Variants in SLC36A1 observed in about 807,000 individuals in gnomAD.
SLC36A1 encodes proton-coupled amino acid transporter 1.
SLC36A1 carries 30 observed loss-of-function variants against 47.5 expected under a neutral mutation model. The observed-to-expected ratio is 0.63, with a 90% CI of 0.47 to 0.86. The LOEUF (loss-of-function observed/expected upper bound fraction) is 0.86, where lower values mean the gene tolerates loss of function less well. SLC36A1 is among the 40% of genes least tolerant of loss of function. The pLI is 0.00. For synonymous variants in SLC36A1, 255 were observed against 249.7 expected, an observed-to-expected ratio of 1.02 and a Z score of -0.20; for missense variants, 517 against 606.0, an observed-to-expected ratio of 0.85 and a Z score of 1.54.
the SLC36A1 span, chr5:151,522,121 G>T: frequency 6.7e-7 from 1 of 1,495,020 alleles, no homozygotes; most frequent in South Asian, 1.3e-5. Flanking sequence ...TCACCCAACA[G>T]AACTGCAGTG....
the SLC36A1 span, among the ~76,000 whole-genome samples, chr5:151,516,261 G>T: frequency 6.6e-6 from 1 of 152,188 alleles, no homozygotes; most frequent in African/African-American, 2.4e-5. Context: ...TATAATCCCA[G>T]CACTTTGGGA....
intron 1 of SLC36A1, among the ~76,000 whole-genome samples, chr5:151,439,492 A>C (rs1203225342): frequency 6.6e-6 from 1 of 151,910 alleles, no homozygotes; most frequent in East Asian, 1.9e-4. Flanking sequence ...ATCTCTACTA[A>C]AAATACAAAA....
At chr5:151,542,442 G>A in the SLC36A1 span, 1 of 1,614,020 alleles carries the variant, frequency 6.2e-7, no homozygotes, top group Admixed American at 1.7e-5. Flanking sequence ...CATCTGTAAT[G>A]GAGACCTGAA....
At chr5:151,367,360 C>CCTTTTTTTTTTTTTTTTT in the SLC36A1 span, among the ~76,000 whole-genome samples, 1 of 64,364 alleles carries the variant, frequency 1.6e-5, no homozygotes, top group Non-Finnish European at 2.8e-5. Context: ...CCCAGGAATG[C>CCTTTTTTTTTTTTTTTTT]ATTTTTTTTT....
chr5:151,466,117 C>A (rs185124595), intron 5 of SLC36A1, among the ~76,000 whole-genome samples: 6 of 152,282 alleles, frequency 3.9e-5, no homozygotes, highest in African/African-American at 1.2e-4. Context: ...TGCCAGGTGA[C>A]CACCATGAGT....
intron 6 of SLC36A1, among the ~76,000 whole-genome samples, 154 bp from the exon 7 acceptor site, chr5:151,467,553 C>T (rs183657348): frequency 6.0e-4 from 91 of 152,200 alleles, no homozygotes; most frequent in African/African-American, 2.1e-3. Flanking sequence ...TGATGATAGT[C>T]GTGAAGTTCT....
chr5:151,535,873 A>G, the SLC36A1 span, among the ~76,000 whole-genome samples: 6 of 152,176 alleles, frequency 3.9e-5, no homozygotes, highest in African/African-American at 1.4e-4. Context: ...ACCCACACAC[A>G]TTTGGTCACA....
chr5:151,435,473 T>G (rs1759713498), upstream of SLC36A1, among the ~76,000 whole-genome samples: 2 of 152,264 alleles, frequency 1.3e-5, no homozygotes, highest in Middle Eastern at 3.4e-3. Flanking sequence ...TATGGGTAAA[T>G]CTTGATTCTA....
the SLC36A1 span, among the ~76,000 whole-genome samples, chr5:151,533,620 C>A: frequency 6.6e-6 from 1 of 152,100 alleles, no homozygotes; most frequent in African/African-American, 2.4e-5. Flanking sequence ...TTATCATCAT[C>A]ATTTTCCTGT....
the SLC36A1 span, among the ~76,000 whole-genome samples, chr5:151,371,209 A>C: frequency 6.6e-6 from 1 of 152,120 alleles, no homozygotes; most frequent in African/African-American, 2.4e-5. Flanking sequence ...AAGATAAATA[A>C]ATAAATTCAG....
chr5:151,550,607 G>A, the SLC36A1 span: 20 of 1,614,012 alleles, frequency 1.2e-5, no homozygotes, highest in Admixed American at 8.3e-5. Context: ...GTCAGTGTGT[G>A]CTGGGAGGGC....
the SLC36A1 span, chr5:151,549,483 A>T: frequency 6.2e-7 from 1 of 1,614,040 alleles, no homozygotes; most frequent in African/African-American, 1.3e-5. Flanking sequence ...GTTCCTCTTG[A>T]TAGGTATTTC....
chr5:151,543,917 T>C, the SLC36A1 span: 1 of 1,614,190 alleles, frequency 6.2e-7, no homozygotes, highest in Non-Finnish European at 8.5e-7. Flanking sequence ...TCAGGGTCAA[T>C]AGCCTGGACT....
chr5:151,537,980 TG>T, the SLC36A1 span: 5 of 1,603,796 alleles, frequency 3.1e-6, no homozygotes, highest in South Asian at 1.1e-5. Flanking sequence ...AGGGAGACTG[TG>T]GGGACTGCAT....
At chr5:151,503,272 T>C in the SLC36A1 span, among the ~76,000 whole-genome samples, 1 of 148,136 alleles carries the variant, frequency 6.8e-6, no homozygotes, top group East Asian at 1.9e-4. Flanking sequence ...TTGCAACAAC[T>C]ATACCATTCT....
chr5:151,456,792 C>T (rs557029477), intron 1 of SLC36A1, among the ~76,000 whole-genome samples: 1 of 152,260 alleles, frequency 6.6e-6, no homozygotes, highest in South Asian at 2.1e-4. Context: ...AGAGAAAATG[C>T]GATCTCCCGT....
At chr5:151,531,116 T>C in the SLC36A1 span, among the ~76,000 whole-genome samples, 1 of 152,066 alleles carries the variant, frequency 6.6e-6, no homozygotes, top group Non-Finnish European at 1.5e-5. This position sits in a 1 kb window ranked among gnomAD's most constrained non-coding sequence, Gnocchi z 5.7. Context: ...TAGTTCTCTC[T>C]CTCTTCAAGA....
chr5:151,424,980 T>A, the SLC36A1 span, among the ~76,000 whole-genome samples: 1 of 152,152 alleles, frequency 6.6e-6, no homozygotes, highest in Non-Finnish European at 1.5e-5. Context: ...TTATATGGTG[T>A]ATAAAGGATA....
chr5:151,458,894 C>T lies in SLC36A1; in HGVS notation c.102C>T (p.Ser34=). Residue 34 remains serine (S), a synonymous_variant, in exon 2 of 11, where the codon TCC becomes TCT. Transcript: ENST00000243389. ...CGGAAGGCCTCAACAACCTCTCCTC[C>T]CCGGGCTCCTACCAGCGCTTTGGTC... The part of the protein sequence containing the change: ...SPSEGLNNLS[S]PGSYQRFGQS... 1 of 1,613,942 alleles carries T rather than the reference C, an allele frequency of 6.2e-7. No homozygotes were observed. The highest frequency in any genetic ancestry group is 8.5e-7 in the Non-Finnish European group (1 of 1,179,960).
Sources: allele counts gnomAD v4.1 joint callset (sites outside exome capture counted in the v4.1 genomes callset), GRCh38; gene constraint gnomAD v4.1.1; non-coding constraint Gnocchi (gnomAD v3.1); transcripts MANE v1.5; gene names NCBI Gene and HGNC (gene_info 2026-07-23, HGNC 2026-07-21).